The following CNTNAP1 variants were observed in gnomAD, a reference collection of about 807,000 sequenced individuals.
The protein encoded by CNTNAP1 is contactin-associated protein 1.
In CNTNAP1, 80 loss-of-function variants were observed where a neutral mutation model predicts 161.5. That is an observed-to-expected ratio of 0.50 (90% CI 0.41 to 0.60). CNTNAP1 has a LOEUF of 0.60. Among genes scored for constraint, CNTNAP1 ranks in the 20% least tolerant of loss-of-function variants. CNTNAP1 has a pLI of 0.00. For missense variants in CNTNAP1, 1,464 were observed against 1,854.8 expected (o/e 0.79, Z 3.87); for synonymous variants, 695 against 733.1 (o/e 0.95, Z 0.84).
intron 17 of CNTNAP1, 87 bp from the exon 18 acceptor site, chr17:42,693,210 C>T (rs529264363): frequency 8.0e-6 from 12 of 1,491,106 alleles, no homozygotes; most frequent in East Asian, 4.6e-5. Flanking sequence ...TCGCCCGCCT[C>T]GGCCTCCCAA....
Position 42,693,179 on chromosome 17 carries a change from T to G in CNTNAP1, c.2753-118T>G, listed in dbSNP as rs556204043. On this transcript the variant is annotated intron_variant, in intron 17 of 23. Transcript: ENST00000264638. Reference sequence around the variant, plus strand: ...TTTCATCATGTTAGCCAGGATGGTCTCGATCTCCTGAGCTCGTGATTCGCC... The same window carrying G: ...TTTCATCATGTTAGCCAGGATGGTCGCGATCTCCTGAGCTCGTGATTCGCC... The G allele has an allele frequency of 1.9e-5, 23 of 1,209,818 alleles. No individual in the cohort carries two copies. In the South Asian group the frequency reaches 3.0e-4, roughly 16 times the overall value. The allele number at this position is 1,209,818 out of a possible 1,614,324, so 74.9% of individuals were successfully genotyped here. A position where few individuals can be genotyped will look rare whatever the true frequency, so the allele number is the denominator to read the frequency against.
intron 1 of CNTNAP1, 98 bp downstream of exon 1, chr17:42,682,994 T>G: frequency 8.5e-7 from 1 of 1,169,956 alleles, no homozygotes; most frequent in Non-Finnish European, 1.2e-6. Context: ...TCGCGGGTCC[T>G]TCCCGGCCGG....
intron 1 of CNTNAP1, 107 bp from the exon 2 acceptor site, chr17:42,683,714 C>A: frequency 1.0e-6 from 1 of 990,086 alleles, no homozygotes; most frequent in Non-Finnish European, 1.5e-6. Flanking sequence ...CCTCTGGGGG[C>A]GGGGGTTGGG....
Position 42,691,675 on chromosome 17 carries a change from C to A in CNTNAP1, c.2345-131C>A. 1 of 1,333,554 alleles carries A rather than the reference C, an allele frequency of 7.5e-7. No individual in the cohort carries two copies. The allele number at this position is 1,333,554 out of a possible 1,614,324, so 82.6% of individuals were successfully genotyped here. ...TGCACCTGGCTCCTCTTTCATTCCA[C>A]TCCTTAGTCTCCCCTCCGTCACCTC... On this transcript the variant is annotated intron_variant, in intron 15 of 23. Transcript: ENST00000264638. The surrounding 1 kb of genome is among the most constrained non-coding windows in gnomAD (Gnocchi z 4.3).
At chr17:42,690,379 G>A (rs556957971) in intron 12 of CNTNAP1, among the ~76,000 whole-genome samples, 172 bp downstream of exon 12, 1 of 152,148 alleles carries the variant, frequency 6.6e-6, no homozygotes, top group South Asian at 2.1e-4. Flanking sequence ...AGGCGTGGTG[G>A]CTCACACCTG....
At chr17:42,695,385 A>G (rs977215300) in intron 18 of CNTNAP1, 136 bp from the exon 19 acceptor site, 2 of 694,842 alleles carry the variant, frequency 2.9e-6, no homozygotes, top group Non-Finnish European at 5.0e-6. Context: ...GCTCAAGGGG[A>G]CCTAAAAGTA....
intron 10 of CNTNAP1, 91 bp downstream of exon 10, chr17:42,689,138 C>G: frequency 1.6e-6 from 2 of 1,281,988 alleles, no homozygotes; most frequent in Non-Finnish European, 2.1e-6. Flanking sequence ...AATCTCCCTT[C>G]TCCTTGTCTC....
rs1361265816 is a variant in CNTNAP1, at chr17:42,695,567, A to G, written c.3039A>G (p.Leu1013=). 6.2e-7 allele frequency: 1 copy of G among 1,613,458 alleles called. No homozygotes were observed. The highest frequency in any genetic ancestry group is 1.1e-5 in the South Asian group (1 of 91,084). The change falls in exon 19 of 24, where the codon CTA becomes CTG. Residue 1013 remains leucine (L), a synonymous_variant. Transcript: ENST00000264638. The stretch of plus-strand genomic sequence containing the variant: ...CGGGCACCTGGATGCGCTATAACCT[A>G]CAGTCAGCGCTGCGCTCTGCAGCCA... ...FEPGTWMRYN[L]QSALRSAARE... is the part of the protein sequence containing the mutation.
chr17:42,693,118 A>G (rs985569650), intron 17 of CNTNAP1, among the ~76,000 whole-genome samples, 179 bp from the exon 18 acceptor site: 4 of 151,826 alleles, frequency 2.6e-5, no homozygotes, highest in Non-Finnish European at 4.4e-5. Flanking sequence ...CACCGTGCCC[A>G]GCTAATTTTT....
At chr17:42,686,478 T>TTTTTTTTTTTTC (rs2053014608) in intron 6 of CNTNAP1, among the ~76,000 whole-genome samples, 1 of 134,082 alleles carries the variant, frequency 7.5e-6, no homozygotes, top group Non-Finnish European at 1.5e-5. Flanking sequence ...TGTTTTTTTT[T>TTTTTTTTTTTTC]TTTTTTTTTT....
chr17:42,697,328 T>G lies in CNTNAP1; in HGVS notation c.3529T>G (p.Leu1177Val). ...QKFSLLVDSQ[L>V]DSPKALYLGR... is the part of the protein sequence containing the mutation. ...GTTCTCGCTGTTGGTGGACAGCCAG[T>G]TGGACTCACCCAAGGCCTTGTATTT... The change falls in exon 21 of 24, where the codon TTG (leucine) becomes GTG (valine). Residue 1177 changes from leucine to valine, a missense_variant. Transcript: ENST00000264638. 1 of 1,613,090 alleles carries G rather than the reference T, an allele frequency of 6.2e-7. No homozygotes were observed. Among genetic ancestry groups the G allele is most frequent in the East Asian group, 2.2e-5 (1 of 44,802 alleles).
rs2053025600 is a variant in CNTNAP1 at position 42,686,975 on chromosome 17, G to A, written c.973G>A (p.Glu325Lys). 1.2e-6 allele frequency: 2 copies of A among 1,613,934 alleles called. No homozygotes were observed. Among genetic ancestry groups the A allele is most frequent in the Admixed American group, 1.7e-5 (1 of 60,002 alleles). The change falls in exon 7 of 24, where the codon GAA becomes AAA. Residue 325 changes from glutamate to lysine, a missense_variant. This residue lies in a region of CNTNAP1 where 1,383 missense variants were observed against 1,765.0 expected (regional missense o/e 0.78). Coordinates refer to ENST00000264638, the MANE Select transcript of CNTNAP1 (RefSeq NM_003632.3). ...TCGGCATAACTTCCGCGGCTGCATAGAAAACGTAATCTTCAACCGCGTCAA... is the reference window on the plus strand; with the variant it reads ...TCGGCATAACTTCCGCGGCTGCATAAAAAACGTAATCTTCAACCGCGTCAA... ...AYRHNFRGCI[E>K]NVIFNRVNIA... is the part of the protein sequence containing the mutation.
rs750086070 is a variant in CNTNAP1, at chr17:42,685,925, T to TGAGGTTTCACTCTGTCCTGCCCC, written c.716-31_716-9dup. 8 of 1,607,268 alleles carry TGAGGTTTCACTCTGTCCTGCCCC rather than the reference T, an allele frequency of 5.0e-6. No homozygotes were observed. The African/African-American group carries it at 8.0e-5, about 16-fold the overall frequency. On this transcript the variant is annotated intron_variant, in intron 5 of 23. Transcript: ENST00000264638. This position sits in a 1 kb window ranked among gnomAD's most constrained non-coding sequence, Gnocchi z 5.0. ...TGGACTCCATGGAGTTCTCCTGGCTTGAGGTTTCACTCTGTCCTGCCCCAC... is the reference window on the plus strand; with the variant it reads ...TGGACTCCATGGAGTTCTCCTGGCTTGAGGTTTCACTCTGTCCTGCCCCGAGGTTTCACTCTGTCCTGCCCCAC...
At chr17:42,683,737 G>T in intron 1 of CNTNAP1, 84 bp from the exon 2 acceptor site, 3 of 1,507,204 alleles carry the variant, frequency 2.0e-6, no homozygotes, top group South Asian at 2.5e-5. Context: ...CACGGAAGGG[G>T]AAGCTTCGGT....
intron 20 of CNTNAP1, among the ~76,000 whole-genome samples, chr17:42,696,710 G>A (rs981536838): frequency 6.6e-6 from 1 of 152,100 alleles, no homozygotes; most frequent in African/African-American, 2.4e-5. Context: ...GGAGGGTGAG[G>A]CAGGAAAATT....
At chr17:42,688,796 T>C in intron 9 of CNTNAP1, 80 bp from the exon 10 acceptor site, 1 of 1,562,344 alleles carries the variant, frequency 6.4e-7, no homozygotes, top group Non-Finnish European at 8.7e-7. Context: ...CCTTTATGTC[T>C]GGCTCCCCCT....
intron 12 of CNTNAP1, among the ~76,000 whole-genome samples, chr17:42,690,460 G>C (rs559861225): frequency 3.4e-4 from 50 of 148,910 alleles, no homozygotes; most frequent in Middle Eastern, 3.2e-3. Flanking sequence ...GGAGGTGGAG[G>C]TTGCAGTGAG....
chr17:42,686,075 C>T lies in CNTNAP1; in HGVS notation c.834C>T (p.Thr278=). 1 of 1,614,176 alleles carries T rather than the reference C, an allele frequency of 6.2e-7. No individual in the cohort carries two copies. The highest frequency in any genetic ancestry group is 8.5e-7 in the Non-Finnish European group (1 of 1,180,034). ...GATTTGGCCGCGATGTAAATTTCAC[C>T]CTGGACGGCTATGTGCAGCGCTTTA... The part of the protein sequence containing the change: ...VDRFGRDVNF[T]LDGYVQRFIL... The change falls in exon 6 of 24, where the codon ACC becomes ACT. Residue 278 remains threonine (T), a synonymous_variant. Coordinates refer to ENST00000264638, the MANE Select transcript of CNTNAP1 (RefSeq NM_003632.3).
rs1973522 is a variant in CNTNAP1 at position 42,686,811 on chromosome 17, T to C, written c.901-92T>C. 91,929 of 1,412,128 alleles carry C rather than the reference T, an allele frequency of 0.065. 6,421 individuals carry two copies. Among genetic ancestry groups the C allele is most frequent in the African/African-American group, 0.36 (24,999 of 69,796 alleles). 87.5% of individuals were successfully genotyped at this position (1,412,128 alleles called of 1,614,324 possible). A position where few individuals can be genotyped will look rare whatever the true frequency, so the allele number is the denominator to read the frequency against. ...GTTTTAAGTCTTTTACAAAACCCCA[T>C]CTGGCATTTGGGAAAGCATACGGCG... On this transcript the variant is annotated intron_variant, in intron 6 of 23. Coordinates refer to ENST00000264638, the MANE Select transcript of CNTNAP1 (RefSeq NM_003632.3).
Sources: allele counts gnomAD v4.1 joint callset (sites outside exome capture counted in the v4.1 genomes callset), GRCh38; gene constraint gnomAD v4.1.1; regional missense constraint gnomAD v4.1.1; non-coding constraint Gnocchi (gnomAD v3.1); transcripts MANE v1.5; gene names NCBI Gene and HGNC (gene_info 2026-07-23, HGNC 2026-07-21).